CEP112: variants seen among roughly 807,000 people sequenced by gnomAD.
CEP112 encodes the protein centrosomal protein of 112 kDa.
Under a neutral mutation model 153.0 loss-of-function variants are expected in CEP112, and 127 were observed. The ratio of observed to expected loss-of-function variants is 0.83; its 90% CI spans 0.72 to 0.96. CEP112 has a LOEUF of 0.96. Among genes scored for constraint, CEP112 ranks in the 40% least tolerant of loss-of-function variants. The pLI is 0.00. For missense variants in CEP112, 1,089 were observed against 1,101.2 expected, an observed-to-expected ratio of 0.99 and a Z score of 0.16; for synonymous variants, 358 against 374.4, an observed-to-expected ratio of 0.96 and a Z score of 0.51.
chr17:65,792,558 C>T (rs976844019), intron 21 of CEP112, among the ~76,000 whole-genome samples: 6 of 144,490 alleles, frequency 4.2e-5, no homozygotes, highest in African/African-American at 1.6e-4. Context: ...TGAAGAAATA[C>T]ATCATACAGG....
At chr17:66,022,572 T>G (rs7213989) in intron 16 of CEP112, among the ~76,000 whole-genome samples, 140,586 of 151,812 alleles carry the variant, frequency 0.93, 65,331 homozygotes, top group East Asian at 0.97. Flanking sequence ...AGCCAGGTAT[T>G]GTGGCAGGCA....
chr17:65,870,156 C>A (rs2058627641), intron 20 of CEP112, among the ~76,000 whole-genome samples: 1 of 151,768 alleles, frequency 6.6e-6, no homozygotes, highest in African/African-American at 2.4e-5. Flanking sequence ...GAGAAAACTT[C>A]AAAAGGAGAA....
At chr17:65,928,885 T>A (rs781383527) in intron 18 of CEP112, among the ~76,000 whole-genome samples, 16 of 151,808 alleles carry the variant, frequency 1.1e-4, no homozygotes, top group Non-Finnish European at 1.5e-4. Flanking sequence ...TAATTATAAA[T>A]AGAAAAAAAA....
At chr17:65,968,056 A>G (rs1055206693) in intron 17 of CEP112, among the ~76,000 whole-genome samples, 4 of 152,116 alleles carry the variant, frequency 2.6e-5, no homozygotes, top group Non-Finnish European at 5.9e-5. Flanking sequence ...TTACATACAA[A>G]CTCACTAATG....
chr17:65,885,360 C>T (rs987271552), intron 20 of CEP112, among the ~76,000 whole-genome samples: 2 of 152,148 alleles, frequency 1.3e-5, no homozygotes, highest in African/African-American at 2.4e-5. Context: ...TATCATTCAA[C>T]AGCAACAGGG....
At chr17:66,128,675 ATTTTACT>A (rs1280317509) in intron 6 of CEP112, among the ~76,000 whole-genome samples, 6 of 152,204 alleles carry the variant, frequency 3.9e-5, no homozygotes. Context: ...CTTATAAGGA[ATTTTACT>A]GCAAAATTAC....
At chr17:65,731,202 T>C (rs2050486813) in intron 23 of CEP112, among the ~76,000 whole-genome samples, 1 of 152,088 alleles carries the variant, frequency 6.6e-6, no homozygotes, top group South Asian at 2.1e-4. Context: ...TCTTAGATAA[T>C]ACAGGCATAC....
chr17:65,970,261 C>T (rs780065845), intron 17 of CEP112, among the ~76,000 whole-genome samples: 1 of 151,938 alleles, frequency 6.6e-6, no homozygotes, highest in Non-Finnish European at 1.5e-5. Flanking sequence ...ATGTTGCACA[C>T]ATATTACATG....
intron 23 of CEP112, among the ~76,000 whole-genome samples, chr17:65,724,675 A>G (rs1176392566): frequency 6.6e-6 from 1 of 152,228 alleles, no homozygotes; most frequent in East Asian, 1.9e-4. Flanking sequence ...AATTATACAT[A>G]TGTCTCAACC....
chr17:66,002,851 C>T (rs2064119835), intron 17 of CEP112, among the ~76,000 whole-genome samples: 1 of 152,096 alleles, frequency 6.6e-6, no homozygotes, highest in African/African-American at 2.4e-5. Flanking sequence ...AATAACACTA[C>T]ATTCTAAAAC....
intron 4 of CEP112, among the ~76,000 whole-genome samples, chr17:66,150,474 G>C (rs2071159033): frequency 1.3e-5 from 2 of 152,058 alleles, no homozygotes; most frequent in African/African-American, 4.8e-5. Context: ...CAAGCGATCT[G>C]CCTGCCTCAT....
intron 24 of CEP112, among the ~76,000 whole-genome samples, chr17:65,675,900 A>G (rs13341986): frequency 0.023 from 3,510 of 152,282 alleles, 112 homozygotes; most frequent in African/African-American, 0.08. Context: ...AGAAAATTCA[A>G]CATCTACTTG....
At chr17:66,012,798 T>A (rs982155613) in intron 16 of CEP112, among the ~76,000 whole-genome samples, 1 of 152,226 alleles carries the variant, frequency 6.6e-6, no homozygotes, top group Non-Finnish European at 1.5e-5. Context: ...GAAATTTTTA[T>A]GAATGATAAC....
Position 66,176,911 on chromosome 17 carries a change from A to G in CEP112, c.216T>C (p.His72=). The G allele has an allele frequency of 2.5e-6, 4 of 1,613,988 alleles. No homozygotes were observed. The South Asian group carries it at 4.4e-5, about 18-fold the overall frequency. The stretch of plus-strand genomic sequence containing the variant: ...CTTCAAGCGCACCTCGTTTAAGCAT[A>G]TGCAATAACAATTTTGCATACAGGT... ...NRNLYAKLLL[H]MLKRGALEGP... Residue 72 remains histidine (H), a synonymous_variant, in exon 3 of 27, where the codon CAT becomes CAC. Coordinates refer to ENST00000535342, the MANE Select transcript of CEP112 (RefSeq NM_001199165.4).
chr17:65,777,978 C>G (rs1468262126), intron 21 of CEP112, among the ~76,000 whole-genome samples: 1 of 151,926 alleles, frequency 6.6e-6, no homozygotes, highest in Non-Finnish European at 1.5e-5. Context: ...ATTTCTCAGT[C>G]TCACGTTGAC....
At chr17:66,175,931 A>G (rs566273616) in intron 3 of CEP112, among the ~76,000 whole-genome samples, 6 of 152,254 alleles carry the variant, frequency 3.9e-5, no homozygotes, top group South Asian at 2.1e-4. Flanking sequence ...AATTCTCCCA[A>G]TCCTACAGAC....
At chr17:65,937,548 C>A (rs1215291739) in intron 18 of CEP112, among the ~76,000 whole-genome samples, 5 of 115,956 alleles carry the variant, frequency 4.3e-5, no homozygotes, top group Admixed American at 1.0e-4. Flanking sequence ...CGGCCAGCCG[C>A]CCCGTCCGGG....
intron 19 of CEP112, among the ~76,000 whole-genome samples, chr17:65,906,271 G>T (rs2060078406): frequency 6.6e-6 from 1 of 151,656 alleles, no homozygotes. Flanking sequence ...CTGTCGGGGG[G>T]GTAGGGGACT....
chr17:66,168,368 CATA>C (rs1452805674), intron 4 of CEP112, among the ~76,000 whole-genome samples: 2 of 151,220 alleles, frequency 1.3e-5, no homozygotes, highest in African/African-American at 2.4e-5. Context: ...TAGATCTTGC[CATA>C]ATAACCTATA....
Sources: gnomAD v4.1 joint callset for allele counts (sites outside exome capture counted in the v4.1 genomes callset) on GRCh38, gnomAD v4.1.1 for gene constraint, MANE v1.5 for transcripts, NCBI Gene and HGNC (gene_info 2026-07-23, HGNC 2026-07-21) for gene names.